CACNA2D3: variants seen among roughly 807,000 people sequenced by gnomAD.
The protein encoded by CACNA2D3 is voltage-dependent calcium channel subunit alpha-2/delta-3.
In CACNA2D3, 60 loss-of-function variants were observed where a neutral mutation model predicts 160.6. The ratio of observed to expected loss-of-function variants is 0.37; its 90% CI spans 0.30 to 0.46. CACNA2D3 has a LOEUF of 0.46. CACNA2D3 is among the 20% of genes least tolerant of loss of function. The pLI, the probability that CACNA2D3 is intolerant of heterozygous loss-of-function variation, is 1.00. For synonymous variants in CACNA2D3, 558 were observed against 492.9 expected, an observed-to-expected ratio of 1.13 and a Z score of -1.75; for missense variants, 1,205 against 1,365.0, an observed-to-expected ratio of 0.88 and a Z score of 1.85.
At chr3:54,652,949 A>G (rs899275017) in intron 11 of CACNA2D3, among the ~76,000 whole-genome samples, 34 of 151,864 alleles carry the variant, frequency 2.2e-4, no homozygotes, top group African/African-American at 8.0e-4. Context: ...CACCCGGCTA[A>G]TTTTTGTATT....
At chr3:54,340,420 T>C (rs1050146606) in intron 3 of CACNA2D3, among the ~76,000 whole-genome samples, 6 of 152,178 alleles carry the variant, frequency 3.9e-5, no homozygotes, top group African/African-American at 1.4e-4. Flanking sequence ...TTTTTAACAA[T>C]CCATTTGTCC....
Position 54,969,283 on chromosome 3 carries a change from A to G in CACNA2D3, c.2512-517A>G, listed in dbSNP as rs1476236024. On this transcript the variant is annotated intron_variant, in intron 28 of 37. Coordinates refer to ENST00000474759, the MANE Select transcript of CACNA2D3 (RefSeq NM_018398.3). ...TAGACTTTTTTTTTTTTTTTTTGAG[A>G]TAGTCTTGCTCTGTCTCCCAGGCTG... 5.2e-5 allele frequency among the ~76,000 whole-genome samples: 5 copies of G among 96,514 alleles called. No homozygotes were observed. The East Asian group carries it at 1.4e-3, about 26-fold the overall frequency. 63.3% of individuals were successfully genotyped at this position (96,514 alleles called of 152,430 possible).
rs1033538636 is a variant in CACNA2D3 at position 54,896,592 on chromosome 3, G to A, written c.2247-157G>A. On this transcript the variant is annotated intron_variant, in intron 25 of 37. Coordinates refer to ENST00000474759, the MANE Select transcript of CACNA2D3 (RefSeq NM_018398.3). ...AAGATGTTTTTGAGTAATCTGGGGTGCACAGTGTTAAGTGAGGCCCCCTCT... is the reference window on the plus strand; with the variant it reads ...AAGATGTTTTTGAGTAATCTGGGGTACACAGTGTTAAGTGAGGCCCCCTCT... The A allele has an allele frequency of 7.5e-5, 55 of 731,022 alleles. 1 individual carries two copies. In the South Asian group the frequency reaches 9.5e-4, roughly 13 times the overall value. 45.3% of individuals were successfully genotyped at this position (731,022 alleles called of 1,614,324 possible). A position where few individuals can be genotyped will look rare whatever the true frequency, so the allele number is the denominator to read the frequency against.
intron 4 of CACNA2D3, among the ~76,000 whole-genome samples, chr3:54,409,490 T>A (rs541438280): frequency 2.0e-5 from 3 of 152,290 alleles, no homozygotes; most frequent in South Asian, 4.2e-4. Context: ...GGCCTCTAAG[T>A]GTTCAAGCGA....
intron 4 of CACNA2D3, among the ~76,000 whole-genome samples, chr3:54,466,770 G>C (rs913257306): frequency 8.5e-5 from 13 of 152,218 alleles, no homozygotes; most frequent in Non-Finnish European, 1.9e-4. Context: ...GCCTAACACT[G>C]TATAATTATA....
intron 3 of CACNA2D3, among the ~76,000 whole-genome samples, chr3:54,368,140 G>T (rs1698858052): frequency 6.6e-6 from 1 of 152,092 alleles, no homozygotes; most frequent in Admixed American, 6.5e-5. Context: ...TTTTTTAAAA[G>T]AGTTATTATT....
At chr3:54,501,119 C>G (rs1183928574) in intron 4 of CACNA2D3, among the ~76,000 whole-genome samples, 2 of 152,114 alleles carry the variant, frequency 1.3e-5, no homozygotes, top group East Asian at 1.9e-4. Flanking sequence ...GACATCTAAT[C>G]CCATTCATGA....
At chr3:54,993,244 C>T (rs1478727312) in intron 31 of CACNA2D3, among the ~76,000 whole-genome samples, 1 of 152,230 alleles carries the variant, frequency 6.6e-6, no homozygotes, top group Admixed American at 6.5e-5. Flanking sequence ...AAACACTAAG[C>T]ACATAGACAG....
At chr3:54,375,508 A>G (rs922768247) in intron 3 of CACNA2D3, among the ~76,000 whole-genome samples, 1 of 152,144 alleles carries the variant, frequency 6.6e-6, no homozygotes, top group African/African-American at 2.4e-5. Flanking sequence ...AATGAGGGGC[A>G]GTCAAACATA....
chr3:54,556,268 A>G (rs1271385700), intron 5 of CACNA2D3, among the ~76,000 whole-genome samples: 1 of 152,170 alleles, frequency 6.6e-6, no homozygotes. Flanking sequence ...TGGTGCCTAA[A>G]CCCAATGACC....
chr3:54,192,531 A>G (rs1316529465), intron 2 of CACNA2D3, among the ~76,000 whole-genome samples: 1 of 152,238 alleles, frequency 6.6e-6, no homozygotes, highest in Non-Finnish European at 1.5e-5. Context: ...CACAGAGAGT[A>G]CATGCTGTAG....
At chr3:54,280,510 G>A (rs559400845) in intron 2 of CACNA2D3, among the ~76,000 whole-genome samples, 8 of 151,846 alleles carry the variant, frequency 5.3e-5, no homozygotes, top group African/African-American at 1.9e-4. Context: ...GTGTAGGGGG[G>A]ACAGAAATGT....
At chr3:55,073,728 C>T (rs1381562533) in intron 36 of CACNA2D3, 49 bp from the exon 37 acceptor site, 1 of 1,495,324 alleles carries the variant, frequency 6.7e-7, no homozygotes, top group African/African-American at 1.4e-5. Flanking sequence ...CTCTGAAATG[C>T]AGAGTAGAAA....
At chr3:54,665,384 G>C (rs1314386117) in intron 11 of CACNA2D3, among the ~76,000 whole-genome samples, 3 of 152,176 alleles carry the variant, frequency 2.0e-5, no homozygotes. Flanking sequence ...GCGGTCTGTC[G>C]CATAGCATGG....
intron 11 of CACNA2D3, among the ~76,000 whole-genome samples, chr3:54,738,009 G>C (rs1199460041): frequency 6.6e-6 from 1 of 152,148 alleles, no homozygotes; most frequent in Non-Finnish European, 1.5e-5. Flanking sequence ...CTCTCTCTGG[G>C]GCTGGATAGC....
At chr3:54,511,755 G>C (rs77846575) in intron 5 of CACNA2D3, among the ~76,000 whole-genome samples, 2,936 of 152,256 alleles carry the variant, frequency 0.019, 69 homozygotes, top group East Asian at 0.085. Flanking sequence ...TTTCACCCTG[G>C]TGCCCCGACA....
intron 3 of CACNA2D3, among the ~76,000 whole-genome samples, chr3:54,353,493 A>T (rs1698599870): frequency 6.6e-6 from 1 of 151,424 alleles, no homozygotes; most frequent in African/African-American, 2.4e-5. Flanking sequence ...CCCTCCCTGT[A>T]TTTTCCAGGT....
chr3:54,833,477 T>C (rs1372753047), intron 14 of CACNA2D3, among the ~76,000 whole-genome samples: 1 of 152,014 alleles, frequency 6.6e-6, no homozygotes, highest in Non-Finnish European at 1.5e-5. Flanking sequence ...CTTGCCTCAG[T>C]AGCAGCTACA....
At chr3:54,597,322 A>G (rs7372330) in intron 9 of CACNA2D3, among the ~76,000 whole-genome samples, 60,402 of 151,506 alleles carry the variant, frequency 0.4, 12,301 homozygotes, top group South Asian at 0.55. Flanking sequence ...CATCTTCCCT[A>G]CCTCCCCTTC....
Sources: allele counts gnomAD v4.1 joint callset (sites outside exome capture counted in the v4.1 genomes callset), GRCh38; gene constraint gnomAD v4.1.1; transcripts MANE v1.5; gene names NCBI Gene and HGNC (gene_info 2026-07-23, HGNC 2026-07-21).